RAB27B: variants seen among roughly 807,000 people sequenced by gnomAD.
The protein encoded by RAB27B is ras-related protein Rab-27B.
In RAB27B, 15 loss-of-function variants were observed where a neutral mutation model predicts 24.6. The observed-to-expected ratio is 0.61, with a 90% CI of 0.41 to 0.94. RAB27B has a LOEUF of 0.94. Ranked by LOEUF, RAB27B falls within the 40% of genes least tolerant of loss-of-function variation. The probability of loss-of-function intolerance (pLI) is 0.00; values close to 1 mark genes in which losing one functional copy is unlikely to be tolerated. For missense variants in RAB27B, 261 were observed against 266.8 expected (o/e 0.98, Z 0.15); for synonymous variants, 105 against 92.5 (o/e 1.14, Z -0.78).
chr18:54,787,826 C>G (rs1909136168), intron 2 of RAB27B, among the ~76,000 whole-genome samples: 1 of 151,936 alleles, frequency 6.6e-6, no homozygotes, highest in Non-Finnish European at 1.5e-5. Context: ...TATGTACATG[C>G]CTAAGTTAAG....
chr18:54,812,239 T>G (rs980198583), intron 2 of RAB27B, among the ~76,000 whole-genome samples: 6 of 151,980 alleles, frequency 3.9e-5, no homozygotes, highest in African/African-American at 1.4e-4. Flanking sequence ...AGATCAATAG[T>G]TGGCAAACAG....
chr18:54,726,543 CA>C (rs544305779), intron 2 of RAB27B, among the ~76,000 whole-genome samples: 3 of 151,182 alleles, frequency 2.0e-5, no homozygotes, highest in African/African-American at 4.8e-5. Flanking sequence ...AATTGTTTCA[CA>C]AAAAAAGCCC....
intron 1 of RAB27B, among the ~76,000 whole-genome samples, chr18:54,841,396 G>A (rs980495074): frequency 1.3e-5 from 2 of 152,108 alleles, no homozygotes; most frequent in Non-Finnish European, 2.9e-5. Context: ...TCTGCAGATG[G>A]TTTAAAATAT....
intron 2 of RAB27B, among the ~76,000 whole-genome samples, chr18:54,723,427 T>G (rs943983056): frequency 6.6e-6 from 1 of 152,198 alleles, no homozygotes; most frequent in African/African-American, 2.4e-5. Context: ...ATTCAACTAT[T>G]ATGCTTGGAA....
intron 2 of RAB27B, among the ~76,000 whole-genome samples, chr18:54,811,834 G>A (rs146529781): frequency 6.6e-6 from 1 of 152,226 alleles, no homozygotes. Flanking sequence ...AAGTTTGCCT[G>A]ATGCAGTTTC....
chr18:54,835,114 G>A (rs1910843875), intron 1 of RAB27B, among the ~76,000 whole-genome samples: 1 of 151,958 alleles, frequency 6.6e-6, no homozygotes, highest in South Asian at 2.1e-4. Flanking sequence ...AAAATGGACT[G>A]TTGATAAGTG....
intron 2 of RAB27B, among the ~76,000 whole-genome samples, chr18:54,728,045 C>T (rs374880319): frequency 4.6e-5 from 7 of 151,962 alleles, no homozygotes; most frequent in East Asian, 3.9e-4. Flanking sequence ...AGGACTTACA[C>T]GAAAGCCAGA....
Position 54,734,068 on chromosome 18 carries a change from T to C in RAB27B, c.-20+15927T>C, listed in dbSNP as rs551226777. Among the ~76,000 whole-genome samples, 7 of 152,290 alleles carry C rather than the reference T, an allele frequency of 4.6e-5. No individual in the cohort carries two copies. In the South Asian group the frequency reaches 1.4e-3, roughly 32 times the overall value. ...CTTAAGAAGAAAGATAGTGGTTCCC[T>C]ATATACTTACTAAAAGCAGAAAATT... On this transcript the variant is annotated intron_variant, in intron 2 of 4. Coordinates refer to the RAB27B transcript ENST00000586570.
At position 54,752,644 on chromosome 18, in the gene RAB27B, T is replaced by C. The variant is rs369949116; in HGVS notation, c.-20+34503T>C. Among the ~76,000 whole-genome samples the C allele has an allele frequency of 5.3e-5, 8 of 152,212 alleles. No individual in the cohort carries two copies. In the East Asian group the frequency reaches 1.3e-3, roughly 26 times the overall value. On this transcript the variant is annotated intron_variant, in intron 2 of 4. Transcript: ENST00000586570. ...GTTATTTTTAACATTTAAAGTTACC[T>C]GTGGAAGGTAGGCAATTGACTGGAG... is the stretch of plus-strand genomic sequence containing the variant.
rs1171343240 is a variant in RAB27B, at chr18:54,894,439, G to A, written c.*5026G>A. 1 of 151,994 alleles carries A rather than the reference G, an allele frequency of 6.6e-6. No individual in the cohort carries two copies. The highest frequency in any genetic ancestry group is 1.5e-5 in the Non-Finnish European group (1 of 67,940). The allele number at this position is 151,994 out of a possible 1,614,324, so 9.4% of individuals were successfully genotyped here. A position where few individuals can be genotyped will look rare whatever the true frequency, so the allele number is the denominator to read the frequency against. On this transcript the variant is annotated 3_prime_UTR_variant, in exon 6 of 6. Transcript: ENST00000262094. ...ACTTAATGGATCCCTTATTCAATCA[G>A]TGGCTTCTGTCTTTATGTCTGTTGG... is the stretch of plus-strand genomic sequence containing the variant.
intron 2 of RAB27B, among the ~76,000 whole-genome samples, chr18:54,727,508 C>T (rs1909576254): frequency 6.6e-6 from 1 of 152,080 alleles, no homozygotes. Context: ...TTTTCAAGAG[C>T]TTCAGTTCTG....
chr18:54,750,700 T>C (rs1398221372), intron 2 of RAB27B, among the ~76,000 whole-genome samples: 1 of 152,196 alleles, frequency 6.6e-6, no homozygotes, highest in Admixed American at 6.5e-5. Context: ...ATTCACCGAA[T>C]TCAAGACACT....
intron 2 of RAB27B, among the ~76,000 whole-genome samples, chr18:54,770,315 C>T (rs1453921833): frequency 6.6e-6 from 1 of 152,076 alleles, no homozygotes; most frequent in Non-Finnish European, 1.5e-5. Context: ...TGCATTACCG[C>T]CCAAGCTCCA....
intron 2 of RAB27B, among the ~76,000 whole-genome samples, chr18:54,783,653 T>A (rs1407958495): frequency 2.0e-5 from 3 of 152,144 alleles, no homozygotes; most frequent in Non-Finnish European, 4.4e-5. Context: ...GATGCACGGG[T>A]GTCTAATGGA....
chr18:54,840,069 T>A (rs1200695990), intron 1 of RAB27B, among the ~76,000 whole-genome samples: 1 of 152,220 alleles, frequency 6.6e-6, no homozygotes, highest in Non-Finnish European at 1.5e-5. Context: ...GGCCAAACAT[T>A]CTCTATGGCT....
intron 2 of RAB27B, among the ~76,000 whole-genome samples, chr18:54,787,127 G>T (rs1909111101): frequency 6.6e-6 from 1 of 152,168 alleles, no homozygotes; most frequent in South Asian, 2.1e-4. Flanking sequence ...ATTGTCATTT[G>T]GTCTCAGTCC....
intron 2 of RAB27B, among the ~76,000 whole-genome samples, chr18:54,737,500 C>T (rs1909932392): frequency 6.6e-6 from 1 of 152,166 alleles, no homozygotes; most frequent in Non-Finnish European, 1.5e-5. Context: ...ATCTTGGCAT[C>T]ATCTCTCTTC....
At chr18:54,834,893 C>A (rs1326392553) in intron 1 of RAB27B, among the ~76,000 whole-genome samples, 1 of 151,578 alleles carries the variant, frequency 6.6e-6, no homozygotes, top group Non-Finnish European at 1.5e-5. Flanking sequence ...TCTTGTTTCT[C>A]TCCTTAACTT....
intron 2 of RAB27B, among the ~76,000 whole-genome samples, chr18:54,801,915 C>A (rs1909625171): frequency 6.6e-6 from 1 of 152,110 alleles, no homozygotes; most frequent in Non-Finnish European, 1.5e-5. Flanking sequence ...TGTAGGAGGG[C>A]TACAGAGAAT....
Sources: allele counts gnomAD v4.1 joint callset (sites outside exome capture counted in the v4.1 genomes callset), GRCh38; gene constraint gnomAD v4.1.1; transcripts MANE v1.5; gene names NCBI Gene and HGNC (gene_info 2026-07-23, HGNC 2026-07-21).